ITGA3: variants seen among roughly 807,000 people sequenced by gnomAD.
ITGA3 encodes the protein integrin alpha-3.
ITGA3 carries 70 observed loss-of-function variants against 131.1 expected under a neutral mutation model. The observed-to-expected ratio is 0.53, with a 90% CI of 0.44 to 0.65. The LOEUF (loss-of-function observed/expected upper bound fraction) is 0.65. ITGA3 is among the 30% of genes least tolerant of loss of function. The pLI, the probability that ITGA3 is intolerant of heterozygous loss-of-function variation, is 0.00. For synonymous variants in ITGA3, 537 were observed against 571.6 expected (o/e 0.94, Z 0.86); for missense variants, 1,098 against 1,388.6 (o/e 0.79, Z 3.33).
chr17:50,078,976 T>G, intron 19 of ITGA3, 50 bp downstream of exon 19: 2 of 1,529,618 alleles, frequency 1.3e-6, no homozygotes, highest in Non-Finnish European at 1.8e-6. Flanking sequence ...GAAGGATTAT[T>G]TTTATTTTCT....
chr17:50,084,357 A>C (rs1048242727), intron 23 of ITGA3, among the ~76,000 whole-genome samples: 4 of 151,992 alleles, frequency 2.6e-5, no homozygotes, highest in Non-Finnish European at 4.4e-5. Flanking sequence ...AGTATCTATT[A>C]AAATTTAAAG....
Position 50,087,843 on chromosome 17 carries a change from G to C in ITGA3, c.3019G>C (p.Gly1007Arg). 6.2e-7 allele frequency: 1 copy of C among 1,604,168 alleles called. No individual in the cohort carries two copies. Among genetic ancestry groups the C allele is most frequent in the Non-Finnish European group, 8.5e-7 (1 of 1,175,288 alleles). ...CGTGGGTGCAGGGCTGCTGCTGCTGGGGCTGATCATCCTCCTGCTGTGGAA... is the reference window on the plus strand; with the variant it reads ...CGTGGGTGCAGGGCTGCTGCTGCTGCGGCTGATCATCCTCCTGCTGTGGAA... ...VAVGAGLLLL[G>R]LIILLLWKCG... The change falls in exon 24 of 26, where the codon GGG (glycine) becomes CGG (arginine). Residue 1007 changes from glycine to arginine, a missense_variant. By Grantham distance (125) the Gly-to-Arg change is moderately radical. Transcript: ENST00000320031.
At chr17:50,068,834 AT>A (rs1322796802) in intron 4 of ITGA3, among the ~76,000 whole-genome samples, 81 of 135,304 alleles carry the variant, frequency 6.0e-4, no homozygotes, top group Non-Finnish European at 3.1e-5. Flanking sequence ...TTATTTATTT[AT>A]TTATTTATTT....
chr17:50,058,971 C>T (rs1907956676), intron 1 of ITGA3, among the ~76,000 whole-genome samples: 1 of 152,252 alleles, frequency 6.6e-6, no homozygotes, highest in Non-Finnish European at 1.5e-5. Context: ...TATTTGTCCA[C>T]TGCCCTGGGG....
In ITGA3 at chr17:50,064,749, G is replaced by A; in HGVS notation, c.414+142G>A. 3.2e-6 allele frequency: 2 copies of A among 631,320 alleles called. No individual in the cohort carries two copies. Among genetic ancestry groups the A allele is most frequent in the Non-Finnish European group, 5.5e-6 (2 of 366,262 alleles). The allele number at this position is 631,320 out of a possible 1,614,324, so 39.1% of individuals were successfully genotyped here. A position where few individuals can be genotyped will look rare whatever the true frequency, so the allele number is the denominator to read the frequency against. ...TGCACACATGTCCCTTCCTGTGGCTGTGTGTCCCTCGCTCTCTGCACTCCT... is the reference window on the plus strand; with the variant it reads ...TGCACACATGTCCCTTCCTGTGGCTATGTGTCCCTCGCTCTCTGCACTCCT... On this transcript the variant is annotated intron_variant, in intron 3 of 25. Coordinates refer to ENST00000320031, the MANE Select transcript of ITGA3 (RefSeq NM_002204.4). This position sits in a 1 kb window ranked among gnomAD's most constrained non-coding sequence, Gnocchi z 4.4.
chr17:50,088,256 C>T lies in ITGA3; in HGVS notation c.3077C>T (p.Ala1026Val), dbSNP rs749746779. 14 of 1,581,312 alleles carry T rather than the reference C, an allele frequency of 8.9e-6. No individual in the cohort carries two copies. The Admixed American group carries it at 2.4e-4, about 27-fold the overall frequency. ...CGFFKRARTR[A>V]LYEAKRQKAE... Reference sequence around the variant, plus strand: ...TTCTTCAAGCGAGCCCGCACTCGCGCCCTGTATGAAGCTAAGAGGCAGAAG... The same window carrying T: ...TTCTTCAAGCGAGCCCGCACTCGCGTCCTGTATGAAGCTAAGAGGCAGAAG... The change falls in exon 25 of 26, where the codon GCC becomes GTC. Residue 1026 changes from alanine (A) to valine (V), a missense_variant. Around this residue, in one of 3 missense-constraint regions of ITGA3, gnomAD observed 699 missense variants for 829.2 expected, o/e 0.84. Coordinates refer to ENST00000320031, the MANE Select transcript of ITGA3 (RefSeq NM_002204.4).
chr17:50,069,776 TCTTGTAAAAGACCATG>T (rs951953397), intron 4 of ITGA3, among the ~76,000 whole-genome samples: 6 of 152,210 alleles, frequency 3.9e-5, no homozygotes, highest in African/African-American at 1.4e-4. Flanking sequence ...AAGGGTATTT[TCTTGTAAAAGACCATG>T]CTTGTAAAAG....
rs543825436 is a variant in ITGA3 at position 50,070,536 on chromosome 17, C to T, written c.665-308C>T. On this transcript the variant is annotated intron_variant, in intron 4 of 25. Transcript: ENST00000320031. ...TGGCGCATGCCTGTAATCCCAGCTA[C>T]TCGGGAGGCTGAGGCAGGAGAATCG... Among the ~76,000 whole-genome samples, 14 of 148,810 alleles carry T rather than the reference C, an allele frequency of 9.4e-5. No individual in the cohort carries two copies. In the East Asian group the frequency reaches 2.8e-3, roughly 29 times the overall value.
intron 23 of ITGA3, among the ~76,000 whole-genome samples, chr17:50,083,723 C>CAAA (rs34118743): frequency 8.0e-5 from 10 of 124,882 alleles, no homozygotes; most frequent in Middle Eastern, 4.0e-3. Context: ...CATCTTGCCT[C>CAAA]AAAAAAAAAA....
rs1234912390 is a variant in ITGA3 at position 50,077,458 on chromosome 17, G to A, written c.2139+11G>A. On this transcript the variant is annotated intron_variant, in intron 16 of 25. Coordinates refer to ENST00000320031, the MANE Select transcript of ITGA3 (RefSeq NM_002204.4). Reference sequence around the variant, plus strand: ...AAACGGAACCAGAGGGTGAGCACCGGCCACATCCTCCCAGTCCTCCTGGGT... The same window carrying A: ...AAACGGAACCAGAGGGTGAGCACCGACCACATCCTCCCAGTCCTCCTGGGT... 6.2e-7 allele frequency: 1 copy of A among 1,606,380 alleles called. No individual in the cohort carries two copies. The highest frequency in any genetic ancestry group is 1.7e-5 in the Admixed American group (1 of 60,002).
Position 50,075,634 on chromosome 17 carries a change from C to T in ITGA3, c.1573C>T (p.Arg525Trp), listed in dbSNP as rs370814972. The change falls in exon 12 of 26, where the codon CGG (arginine) becomes TGG (tryptophan). Residue 525 changes from arginine to tryptophan, a missense_variant. Arg to Trp is a moderately radical substitution (Grantham distance 101). Transcript: ENST00000320031. The part of the protein sequence containing the change: ...AYTLEADRDR[R>W]PPRLRFAGSE... Reference sequence around the variant, plus strand: ...CACTCTGGAGGCTGACAGGGACCGCCGGCCGCCCCGGCTCCGCTTTGCCGG... The same window carrying T: ...CACTCTGGAGGCTGACAGGGACCGCTGGCCGCCCCGGCTCCGCTTTGCCGG... The T allele has an allele frequency of 5.0e-5, 81 of 1,614,230 alleles. No homozygotes were observed. The Middle Eastern group carries it at 6.6e-4, about 13-fold the overall frequency.
At chr17:50,061,363 C>A (rs942840862) in intron 1 of ITGA3, among the ~76,000 whole-genome samples, 2 of 152,002 alleles carry the variant, frequency 1.3e-5, no homozygotes, top group Non-Finnish European at 2.9e-5. Context: ...AGTCCCTTAG[C>A]CCCTTCCTGG....
chr17:50,071,224 G>A (rs896948038), intron 5 of ITGA3, 87 bp from the exon 6 acceptor site: 259 of 1,176,420 alleles, frequency 2.2e-4, no homozygotes, highest in Non-Finnish European at 3.0e-4. Context: ...ATGGTGGGGG[G>A]CAAGAGAGGG....
At chr17:50,071,707 G>T in intron 6 of ITGA3, 189 bp downstream of exon 6, 1 of 633,060 alleles carries the variant, frequency 1.6e-6, no homozygotes, top group Non-Finnish European at 2.7e-6. Flanking sequence ...CCCTGCGTTT[G>T]CTTGTTTCTG....
chr17:50,068,006 C>T (rs1020543830), intron 3 of ITGA3, 50 bp from the exon 4 acceptor site: 4 of 1,607,756 alleles, frequency 2.5e-6, no homozygotes, highest in Non-Finnish European at 3.4e-6. Context: ...AGACAGCTGA[C>T]CCGGGTCCCT....
At chr17:50,067,364 G>C (rs900442834) in intron 3 of ITGA3, among the ~76,000 whole-genome samples, 29 of 152,210 alleles carry the variant, frequency 1.9e-4, no homozygotes, top group African/African-American at 7.0e-4. Flanking sequence ...CACCCAGAGA[G>C]GCTGCGCATA....
At chr17:50,060,769 C>G (rs1908040572) in intron 1 of ITGA3, among the ~76,000 whole-genome samples, 1 of 151,982 alleles carries the variant, frequency 6.6e-6, no homozygotes, top group Admixed American at 6.5e-5. Flanking sequence ...TCCACCTACT[C>G]TCCCTCCTTC....
rs773012066 is a variant in ITGA3, at chr17:50,068,209, G to A, written c.568G>A (p.Asp190Asn). ...YHNEMCNSNT[D>N]YLETGMCQLG... is the part of the protein sequence containing the mutation. Reference sequence around the variant, plus strand: ...CAACGAGATGTGCAATAGCAACACAGACTACCTGGAGACGGGCATGTGCCA... The same window carrying A: ...CAACGAGATGTGCAATAGCAACACAAACTACCTGGAGACGGGCATGTGCCA... Residue 190 changes from aspartate to asparagine, a missense_variant, in exon 4 of 26, where the codon GAC (aspartate) becomes AAC (asparagine). By Grantham distance (23) the Asp-to-Asn change is conservative. This residue lies in a region of ITGA3 where 356 missense variants were observed against 529.2 expected (regional missense o/e 0.67). Coordinates refer to ENST00000320031, the MANE Select transcript of ITGA3 (RefSeq NM_002204.4). 6.2e-7 allele frequency: 1 copy of A among 1,614,166 alleles called. No individual in the cohort carries two copies. Among genetic ancestry groups the A allele is most frequent in the East Asian group, 2.2e-5 (1 of 44,892 alleles).
At position 50,087,736 on chromosome 17, in the gene ITGA3, C is replaced by G. The variant is rs545444575; in HGVS notation, c.2920-8C>G. 40 of 1,610,854 alleles carry G rather than the reference C, an allele frequency of 2.5e-5. No individual in the cohort carries two copies. In the East Asian group the frequency reaches 6.9e-4, roughly 28 times the overall value. ...ACACAGGGCTGAGTCCTCCTCTCCC[C>G]GCTCCAGTTCTCTGTGGACATTGAC... is the stretch of plus-strand genomic sequence containing the variant. On this transcript the variant is annotated splice_region_variant and splice_polypyrimidine_tract_variant and intron_variant, in intron 23 of 25. Coordinates refer to ENST00000320031, the MANE Select transcript of ITGA3 (RefSeq NM_002204.4).
Sources: gnomAD v4.1 joint callset for allele counts (sites outside exome capture counted in the v4.1 genomes callset) on GRCh38, gnomAD v4.1.1 for gene constraint, gnomAD v4.1.1 regional missense constraint, Gnocchi (gnomAD v3.1) non-coding constraint, MANE v1.5 for transcripts, NCBI Gene and HGNC (gene_info 2026-07-23, HGNC 2026-07-21) for gene names.